The following PRKAR2B variants were observed in gnomAD, a reference collection of about 807,000 sequenced individuals.
PRKAR2B encodes protein kinase cAMP-dependent type II regulatory subunit beta, also known as cAMP-dependent protein kinase type II-beta regulatory subunit.
A neutral mutation model predicts 49.9 loss-of-function variants in PRKAR2B; 14 were observed. That is an observed-to-expected ratio of 0.28 (90% confidence interval 0.19 to 0.44). PRKAR2B has a LOEUF of 0.44. Ranked by LOEUF, PRKAR2B falls within the 20% of genes least tolerant of loss-of-function variation. The pLI is 1.00. For synonymous variants in PRKAR2B, 196 were observed against 197.7 expected (o/e 0.99, Z 0.07); for missense variants, 393 against 537.9 (o/e 0.73, Z 2.67).
At position 107,070,311 on chromosome 7, in the gene PRKAR2B, C is replaced by A; in HGVS notation, c.338C>A (p.Ala113Asp). ...GTAATAAACCGATTCACAAGGCGTG[C>A]CTCAGGTAAGTCTGATTATATTATG... ...APVINRFTRR[A>D]SVCAEAYNPD... The change falls in exon 2 of 11, where the codon GCC (alanine) becomes GAC (aspartate). Residue 113 changes from alanine (A) to aspartate (D), a missense_variant. Coordinates refer to ENST00000265717, the MANE Select transcript of PRKAR2B (RefSeq NM_002736.3). 1 of 1,603,594 alleles carries A rather than the reference C, an allele frequency of 6.2e-7. No individual in the cohort carries two copies. Among genetic ancestry groups the A allele is most frequent in the Admixed American group, 1.7e-5 (1 of 59,640 alleles).
At chr7:107,149,366 T>G (rs965928215) in intron 6 of PRKAR2B, among the ~76,000 whole-genome samples, 3 of 152,140 alleles carry the variant, frequency 2.0e-5, no homozygotes, top group Non-Finnish European at 4.4e-5. Flanking sequence ...TGTTATAGAA[T>G]GGGTGGCTTA....
intron 2 of PRKAR2B, chr7:107,077,535 G>A (rs1794422450): frequency 6.6e-6 from 1 of 152,196 alleles, no homozygotes; most frequent in African/African-American, 2.4e-5. Flanking sequence ...CAGTATTACT[G>A]TAAAAAGTCC....
intron 1 of PRKAR2B, 107 bp downstream of exon 1, chr7:107,045,321 C>A: frequency 1.1e-6 from 1 of 951,746 alleles, no homozygotes. Flanking sequence ...CCTCTCCCCG[C>A]ATTCTCCACC....
At chr7:107,102,229 G>C (rs781444477) in intron 2 of PRKAR2B, among the ~76,000 whole-genome samples, 7 of 152,052 alleles carry the variant, frequency 4.6e-5, no homozygotes, top group Non-Finnish European at 8.8e-5. Flanking sequence ...ATAACAGCTA[G>C]AACTAGGAAT....
chr7:107,159,426 A>G (rs1204709054), intron 10 of PRKAR2B, 23 bp from the exon 11 acceptor site: 1 of 1,611,352 alleles, frequency 6.2e-7, no homozygotes, highest in Admixed American at 1.7e-5. Flanking sequence ...TGTTATTTAA[A>G]AAAAAATCTT....
intron 3 of PRKAR2B, among the ~76,000 whole-genome samples, chr7:107,126,043 C>A (rs1795476748): frequency 7.0e-6 from 1 of 143,656 alleles, no homozygotes; most frequent in African/African-American, 2.6e-5. Context: ...ACCGAGTGCA[C>A]CACCACTGCA....
At chr7:107,124,404 T>C (rs1323951441) in intron 3 of PRKAR2B, among the ~76,000 whole-genome samples, 1 of 152,192 alleles carries the variant, frequency 6.6e-6, no homozygotes, top group Admixed American at 6.5e-5. Flanking sequence ...GCTTACAGTC[T>C]AGTGGCAGAA....
intron 5 of PRKAR2B, among the ~76,000 whole-genome samples, chr7:107,142,499 G>C (rs905549154): frequency 6.6e-6 from 1 of 152,082 alleles, no homozygotes; most frequent in African/African-American, 2.4e-5. Flanking sequence ...CCATTTAGTG[G>C]GGATTTTTGA....
chr7:107,134,354 A>G (rs1271495204), intron 4 of PRKAR2B, among the ~76,000 whole-genome samples: 1 of 152,122 alleles, frequency 6.6e-6, no homozygotes, highest in African/African-American at 2.4e-5. Flanking sequence ...AAATTTAACA[A>G]TATATTAGTA....
intron 2 of PRKAR2B, chr7:107,077,455 T>G (rs1481780859): frequency 6.6e-6 from 1 of 152,228 alleles, no homozygotes; most frequent in Non-Finnish European, 1.5e-5. Context: ...CTATTTGTGC[T>G]GTCTTTAAGG....
At chr7:107,148,733 C>CA (rs1402452649) in intron 6 of PRKAR2B, among the ~76,000 whole-genome samples, 3 of 151,836 alleles carry the variant, frequency 2.0e-5, no homozygotes, top group South Asian at 2.1e-4. Context: ...TAAAGATAAG[C>CA]AAAAAAAGCC....
At chr7:107,073,125 C>G (rs1480211911) in intron 2 of PRKAR2B, among the ~76,000 whole-genome samples, 1 of 152,086 alleles carries the variant, frequency 6.6e-6, no homozygotes, top group Non-Finnish European at 1.5e-5. Context: ...GAATTTTTGG[C>G]TTTTGATATT....
At chr7:107,100,858 A>C (rs1443390085) in intron 2 of PRKAR2B, among the ~76,000 whole-genome samples, 2 of 148,846 alleles carry the variant, frequency 1.3e-5, no homozygotes, top group Non-Finnish European at 3.0e-5. Flanking sequence ...CTTTATTGAG[A>C]TTCTTTATTG....
chr7:107,066,299 G>GGGGT (rs1794142218), intron 1 of PRKAR2B, among the ~76,000 whole-genome samples: 2 of 84,900 alleles, frequency 2.4e-5, no homozygotes, highest in African/African-American at 1.4e-4. Context: ...CTCTCTATGT[G>GGGGT]GGGTGTGTGT....
intron 1 of PRKAR2B, among the ~76,000 whole-genome samples, chr7:107,046,262 T>C (rs931795832): frequency 2.6e-5 from 4 of 152,194 alleles, no homozygotes; most frequent in African/African-American, 9.7e-5. Context: ...TGTTTTCTCT[T>C]TGTGGTGTAA....
intron 2 of PRKAR2B, among the ~76,000 whole-genome samples, chr7:107,078,483 T>A (rs994094457): frequency 6.6e-6 from 1 of 152,164 alleles, no homozygotes; most frequent in Non-Finnish European, 1.5e-5. Flanking sequence ...TTGGGTGGGA[T>A]GGAAGCCATT....
At position 107,101,175 on chromosome 7, in the gene PRKAR2B, A is replaced by G. The variant is rs146260861; in HGVS notation, c.344-20777A>G. ...TTTTTTTTTGTAGCTTGTCTACTAA[A>G]TCTGTATGCTCTGTCTTTGCCATGG... On this transcript the variant is annotated intron_variant, in intron 2 of 10. Transcript: ENST00000265717. 7.5e-3 allele frequency among the ~76,000 whole-genome samples: 1,031 copies of G among 138,104 alleles called. 13 individuals carry two copies. The highest frequency in any genetic ancestry group is 0.028 in the African/African-American group (976 of 35,140). 90.6% of individuals were successfully genotyped at this position (138,104 alleles called of 152,430 possible).
chr7:107,093,000 C>T (rs983584889), intron 2 of PRKAR2B, among the ~76,000 whole-genome samples: 1 of 152,192 alleles, frequency 6.6e-6, no homozygotes, highest in Non-Finnish European at 1.5e-5. Flanking sequence ...TGGCTTCTTT[C>T]ACTTCGTGTA....
chr7:107,050,321 G>C (rs1007576252), intron 1 of PRKAR2B, among the ~76,000 whole-genome samples: 2 of 121,150 alleles, frequency 1.7e-5, no homozygotes, highest in African/African-American at 6.4e-5. Flanking sequence ...TTTTAGATAA[G>C]ACAGTTACCA....
Sources: gnomAD v4.1 joint callset for allele counts (sites outside exome capture counted in the v4.1 genomes callset) on GRCh38, gnomAD v4.1.1 for gene constraint, MANE v1.5 for transcripts, NCBI Gene and HGNC (gene_info 2026-07-23, HGNC 2026-07-21) for gene names.